The following LRP1B variants were observed in gnomAD, a reference collection of about 807,000 sequenced individuals.
LRP1B encodes LDL receptor related protein 1B.
A neutral mutation model predicts 556.6 loss-of-function variants in LRP1B; 217 were observed. The observed-to-expected ratio is 0.39, with a 90% CI of 0.35 to 0.44. The LOEUF (loss-of-function observed/expected upper bound fraction) is 0.44, where lower values mean the gene tolerates loss of function less well. Ranked by LOEUF, LRP1B falls within the 20% of genes least tolerant of loss-of-function variation. LRP1B has a pLI of 1.00. For synonymous variants in LRP1B, 2,047 were observed against 1,865.8 expected (o/e 1.10, Z -2.50); for missense variants, 5,053 against 5,620.8 (o/e 0.90, Z 3.23).
chr2:140,306,335 G>T (rs1268281631), intron 83 of LRP1B, among the ~76,000 whole-genome samples: 6 of 152,022 alleles, frequency 3.9e-5, no homozygotes, highest in Non-Finnish European at 8.8e-5. Context: ...TTCAGAGCCT[G>T]TTATTGGTCT....
At chr2:140,879,778 T>A (rs575233325) in intron 25 of LRP1B, among the ~76,000 whole-genome samples, 393 of 152,106 alleles carry the variant, frequency 2.6e-3, no homozygotes, top group Non-Finnish European at 4.3e-3. Flanking sequence ...CAATAACTTT[T>A]AAAAAAAGAA....
chr2:141,727,826 C>T (rs1558832600), intron 2 of LRP1B, among the ~76,000 whole-genome samples: 1 of 151,784 alleles, frequency 6.6e-6, no homozygotes, highest in South Asian at 2.1e-4. Flanking sequence ...TATATATATA[C>T]ACACACATAT....
chr2:140,503,684 T>G (rs113084588), intron 53 of LRP1B, among the ~76,000 whole-genome samples: 3,798 of 152,196 alleles, frequency 0.025, 146 homozygotes, highest in African/African-American at 0.087. Flanking sequence ...AGAAAAAACA[T>G]CATTTGGTAA....
chr2:141,417,608 C>T (rs1056684704), intron 3 of LRP1B, among the ~76,000 whole-genome samples: 2 of 152,082 alleles, frequency 1.3e-5, no homozygotes, highest in Admixed American at 1.3e-4. Context: ...CATTTTCTTT[C>T]TATGTTCACC....
chr2:141,474,112 C>T (rs72849079), intron 3 of LRP1B, among the ~76,000 whole-genome samples: 48,927 of 146,126 alleles, frequency 0.33, 8,889 homozygotes, highest in Non-Finnish European at 0.4. Flanking sequence ...CCTTCCTTTC[C>T]TCTCTCCCTT....
chr2:142,048,471 T>C (rs969913463), intron 1 of LRP1B, among the ~76,000 whole-genome samples: 2 of 152,038 alleles, frequency 1.3e-5, no homozygotes, highest in Non-Finnish European at 2.9e-5. Context: ...ACATTCTTCT[T>C]AAAAGAAAGA....
chr2:141,522,468 T>C (rs900745203), intron 2 of LRP1B, among the ~76,000 whole-genome samples: 2 of 152,102 alleles, frequency 1.3e-5, no homozygotes, highest in African/African-American at 4.8e-5. Flanking sequence ...ATTTACAAAG[T>C]AAAATGGAAT....
At chr2:141,078,435 G>A (rs949971363) in intron 7 of LRP1B, among the ~76,000 whole-genome samples, 6 of 152,166 alleles carry the variant, frequency 3.9e-5, no homozygotes, top group Admixed American at 1.3e-4. Context: ...GTGGTGAATG[G>A]CTTGCCCTGT....
chr2:141,058,379 A>G (rs1274688726), intron 9 of LRP1B, among the ~76,000 whole-genome samples: 4 of 151,806 alleles, frequency 2.6e-5, no homozygotes, highest in Non-Finnish European at 4.4e-5. Flanking sequence ...AGCATCACTA[A>G]TCTCCTGTAG....
At chr2:141,754,743 T>G (rs993866866) in intron 2 of LRP1B, among the ~76,000 whole-genome samples, 3 of 152,162 alleles carry the variant, frequency 2.0e-5, no homozygotes, top group African/African-American at 7.2e-5. Flanking sequence ...AAAATGTCAG[T>G]AACTCAACCA....
chr2:140,343,597 A>G (rs1681505539), intron 77 of LRP1B, among the ~76,000 whole-genome samples: 1 of 151,734 alleles, frequency 6.6e-6, no homozygotes, highest in African/African-American at 2.4e-5. Context: ...GTAAGGTCTC[A>G]AAACTTGTTT....
At chr2:140,446,517 A>T (rs1368587558) in intron 63 of LRP1B, among the ~76,000 whole-genome samples, 1 of 152,104 alleles carries the variant, frequency 6.6e-6, no homozygotes, top group Non-Finnish European at 1.5e-5. Context: ...GTCTGCAGGT[A>T]TTGATGATGC....
chr2:141,253,833 A>G (rs1352155500), intron 4 of LRP1B, among the ~76,000 whole-genome samples: 1 of 150,656 alleles, frequency 6.6e-6, no homozygotes, highest in East Asian at 1.9e-4. Context: ...GACGTGCTAT[A>G]TTATAGATTA....
Position 140,518,607 on chromosome 2 carries a change from G to A in LRP1B, c.8027-1596C>T, listed in dbSNP as rs1419915733. 4.6e-5 allele frequency among the ~76,000 whole-genome samples: 7 copies of A among 152,128 alleles called. No homozygotes were observed. The East Asian group carries it at 9.6e-4, about 21-fold the overall frequency. On this transcript the variant is annotated intron_variant, in intron 49 of 90. Coordinates refer to ENST00000389484, the MANE Select transcript of LRP1B (RefSeq NM_018557.3). ...AATTAAGAATCTTGGCACCAGTTTC[G>A]TAGAGCAGTGGTTTGTAGTTCTCCC...
intron 3 of LRP1B, among the ~76,000 whole-genome samples, chr2:141,415,992 T>A (rs1177215004): frequency 6.6e-6 from 1 of 152,242 alleles, no homozygotes; most frequent in Non-Finnish European, 1.5e-5. Context: ...ATCGCCAGAC[T>A]ACTGCCCATC....
intron 86 of LRP1B, among the ~76,000 whole-genome samples, chr2:140,248,302 C>T (rs1189758753): frequency 6.6e-6 from 1 of 151,436 alleles, no homozygotes; most frequent in African/African-American, 2.4e-5. Flanking sequence ...TTCAAAGAAG[C>T]ATATATAGAC....
chr2:141,931,780 A>G (rs1700514264), intron 1 of LRP1B, among the ~76,000 whole-genome samples: 1 of 152,044 alleles, frequency 6.6e-6, no homozygotes, highest in South Asian at 2.1e-4. Flanking sequence ...TTCTGTGCAA[A>G]AAGAACCTGA....
intron 2 of LRP1B, among the ~76,000 whole-genome samples, chr2:141,613,096 C>T (rs1055432517): frequency 6.6e-6 from 1 of 152,160 alleles, no homozygotes; most frequent in Non-Finnish European, 1.5e-5. Flanking sequence ...GCATGAGCCA[C>T]CGCACCTGGC....
At chr2:140,944,733 A>G (rs1451474380) in intron 20 of LRP1B, among the ~76,000 whole-genome samples, 1 of 152,102 alleles carries the variant, frequency 6.6e-6, no homozygotes, top group African/African-American at 2.4e-5. Context: ...AAAACCTTCA[A>G]CATACTAAGC....
Sources: gnomAD v4.1 joint callset for allele counts (sites outside exome capture counted in the v4.1 genomes callset) on GRCh38, gnomAD v4.1.1 for gene constraint, MANE v1.5 for transcripts, NCBI Gene and HGNC (gene_info 2026-07-23, HGNC 2026-07-21) for gene names.